DNAH14: variants seen among roughly 807,000 people sequenced by gnomAD.
The protein encoded by DNAH14 is axonemal beta dynein heavy chain 14.
Under a neutral mutation model 520.9 loss-of-function variants are expected in DNAH14, and 478 were observed. The observed-to-expected ratio is 0.92, with a 90% CI of 0.85 to 0.99. DNAH14 has a LOEUF of 0.99. Among genes scored for constraint, DNAH14 ranks in the 50% least tolerant of loss-of-function variants. DNAH14 has a pLI of 0.00. For missense variants in DNAH14, 4,831 were observed against 5,234.5 expected, an observed-to-expected ratio of 0.92 and a Z score of 2.38; for synonymous variants, 1,581 against 1,757.2, an observed-to-expected ratio of 0.90 and a Z score of 2.51.
chr1:224,988,656 T>C (rs2062822687), intron 8 of DNAH14, among the ~76,000 whole-genome samples: 1 of 152,176 alleles, frequency 6.6e-6, no homozygotes, highest in Admixed American at 6.6e-5. Flanking sequence ...CTATTACAAA[T>C]ATATTTTTTA....
At chr1:225,284,766 A>T (rs951914140) in intron 54 of DNAH14, among the ~76,000 whole-genome samples, 3 of 152,220 alleles carry the variant, frequency 2.0e-5, no homozygotes, top group Non-Finnish European at 4.4e-5. Flanking sequence ...AACCAGCAAC[A>T]TATAGCAAGT....
At chr1:225,335,533 G>GTACATATACGTATA (rs2094957553) in intron 66 of DNAH14, among the ~76,000 whole-genome samples, 1 of 110,632 alleles carries the variant, frequency 9.0e-6, no homozygotes, top group Non-Finnish European at 1.8e-5. Context: ...ATATACATAT[G>GTACATATACGTATA]TACATATATA....
At chr1:225,298,657 A>T (rs1042868851) in intron 55 of DNAH14, among the ~76,000 whole-genome samples, 7 of 152,126 alleles carry the variant, frequency 4.6e-5, no homozygotes, top group Non-Finnish European at 8.8e-5. Flanking sequence ...CACACTCCAG[A>T]GGTACCTCTG....
At position 225,389,773 on chromosome 1, in the gene DNAH14, A is replaced by G. The variant is rs2095882201; in HGVS notation, c.13230A>G (p.Pro4410=). 2 of 1,552,220 alleles carry G rather than the reference A, an allele frequency of 1.3e-6. No individual in the cohort carries two copies. Among genetic ancestry groups the G allele is most frequent in the Non-Finnish European group, 8.7e-7 (1 of 1,147,102 alleles). Residue 4410 remains proline (P), a synonymous_variant, in exon 83 of 86, where the codon CCA becomes CCG. Transcript: ENST00000682510. ...RFVTVWKQSI[P]STSQKCKHPE... Reference sequence around the variant, plus strand: ...TCACAGTTTGGAAGCAGTCTATTCCATCAACTAGCCAAAAATGCAAACACC... The same window carrying G: ...TCACAGTTTGGAAGCAGTCTATTCCGTCAACTAGCCAAAAATGCAAACACC...
intron 21 of DNAH14, among the ~76,000 whole-genome samples, chr1:225,091,715 A>G (rs1266982770): frequency 6.6e-6 from 1 of 152,156 alleles, no homozygotes; most frequent in Non-Finnish European, 1.5e-5. Flanking sequence ...TGACAGAATC[A>G]AATATACACA....
At chr1:225,077,619 A>T (rs1321379101) in intron 17 of DNAH14, among the ~76,000 whole-genome samples, 6 of 152,158 alleles carry the variant, frequency 3.9e-5, no homozygotes, top group Admixed American at 3.9e-4. Flanking sequence ...TCTATTACTG[A>T]ATTATTTTAT....
intron 17 of DNAH14, among the ~76,000 whole-genome samples, chr1:225,063,075 G>A (rs1466738105): frequency 6.6e-6 from 1 of 152,092 alleles, no homozygotes; most frequent in African/African-American, 2.4e-5. Flanking sequence ...ATATATTTAT[G>A]TAGAAGTATT....
intron 64 of DNAH14, among the ~76,000 whole-genome samples, chr1:225,325,102 G>A (rs1034749025): frequency 2.7e-5 from 4 of 150,430 alleles, no homozygotes; most frequent in African/African-American, 4.9e-5. Context: ...AATTTCTCTC[G>A]GAAGATCTTT....
At chr1:225,284,859 T>C (rs1053313558) in intron 54 of DNAH14, among the ~76,000 whole-genome samples, 6 of 152,136 alleles carry the variant, frequency 3.9e-5, no homozygotes, top group Non-Finnish European at 7.4e-5. Context: ...ATGCAATATA[T>C]CTATTAATGG....
At chr1:224,946,835 T>C (rs1227985925) in intron 1 of DNAH14, among the ~76,000 whole-genome samples, 2 of 150,924 alleles carry the variant, frequency 1.3e-5, no homozygotes, top group African/African-American at 4.9e-5. Flanking sequence ...TTTCCCCTTA[T>C]GGCTTTTTTT....
At chr1:224,960,010 G>T in intron 3 of DNAH14, 143 bp from the exon 4 acceptor site, 1 of 692,120 alleles carries the variant, frequency 1.4e-6, no homozygotes, top group African/African-American at 1.9e-5. Context: ...TGGAACCCAG[G>T]CAGTGGGATT....
chr1:225,060,301 C>T (rs184737372), intron 17 of DNAH14, among the ~76,000 whole-genome samples: 2 of 152,166 alleles, frequency 1.3e-5, no homozygotes, highest in African/African-American at 4.8e-5. Context: ...TCCAGTTGAT[C>T]GAATCAACTA....
At chr1:225,335,950 T>C (rs1366057254) in intron 66 of DNAH14, among the ~76,000 whole-genome samples, 1 of 144,910 alleles carries the variant, frequency 6.9e-6, no homozygotes, top group Non-Finnish European at 1.5e-5. Context: ...CATATATGTA[T>C]ATATACACAT....
chr1:225,331,676 T>C (rs2094801305), intron 65 of DNAH14, 99 bp downstream of exon 65: 5 of 1,436,362 alleles, frequency 3.5e-6, no homozygotes, highest in Non-Finnish European at 4.7e-6. Flanking sequence ...ATATACCTTC[T>C]AAAACTATCT....
intron 22 of DNAH14, among the ~76,000 whole-genome samples, chr1:225,098,725 A>G (rs148889200): frequency 2.3e-3 from 345 of 152,326 alleles, no homozygotes; most frequent in Non-Finnish European, 3.9e-3. Context: ...GTATGTCCTT[A>G]TGGATACAAC....
chr1:225,122,128 G>A (rs2077349262), intron 26 of DNAH14, among the ~76,000 whole-genome samples: 1 of 152,092 alleles, frequency 6.6e-6, no homozygotes, highest in Non-Finnish European at 1.5e-5. Flanking sequence ...TTATTTTAAA[G>A]TTTTCTTCCC....
chr1:225,318,647 C>A lies in DNAH14; in HGVS notation c.9305C>A (p.Ala3102Asp). 1 of 1,550,232 alleles carries A rather than the reference C, an allele frequency of 6.5e-7. No individual in the cohort carries two copies. Among genetic ancestry groups the A allele is most frequent in the Non-Finnish European group, 8.7e-7 (1 of 1,146,266 alleles). The change falls in exon 61 of 86, where the codon GCC becomes GAC. Residue 3102 changes from alanine (A) to aspartate (D), a missense_variant. Coordinates refer to ENST00000682510, the MANE Select transcript of DNAH14 (RefSeq NM_001367479.1). Reference sequence around the variant, plus strand: ...GACAAGGCAATTGTGGCTCTGAATGCCCTGGATAAAGCTGATGTCGCTGAA... The same window carrying A: ...GACAAGGCAATTGTGGCTCTGAATGACCTGGATAAAGCTGATGTCGCTGAA... ...AFDKAIVALN[A>D]LDKADVAELR...
chr1:225,055,021 G>C (rs1000992681), intron 17 of DNAH14, among the ~76,000 whole-genome samples: 2 of 150,086 alleles, frequency 1.3e-5, no homozygotes, highest in African/African-American at 4.9e-5. Flanking sequence ...TTGCTGTATT[G>C]ATCAGTTGAT....
intron 8 of DNAH14, among the ~76,000 whole-genome samples, chr1:224,975,367 TG>T (rs1486397531): frequency 6.6e-6 from 1 of 150,664 alleles, no homozygotes; most frequent in African/African-American, 2.5e-5. Context: ...GGACTCTTTT[TG>T]GTTGGTAAGC....
Sources: gnomAD v4.1 joint callset for allele counts (sites outside exome capture counted in the v4.1 genomes callset) on GRCh38, gnomAD v4.1.1 for gene constraint, MANE v1.5 for transcripts, NCBI Gene and HGNC (gene_info 2026-07-23, HGNC 2026-07-21) for gene names.